Variants in MAP2K4 observed in about 807,000 individuals in gnomAD.
The protein encoded by MAP2K4 is dual specificity mitogen-activated protein kinase kinase 4.
A neutral mutation model predicts 48.5 loss-of-function variants in MAP2K4; 4 were observed. The observed-to-expected ratio is 0.08, with a 90% confidence interval of 0.04 to 0.19. MAP2K4 has a LOEUF of 0.19. MAP2K4 is among the 10% of genes least tolerant of loss of function. The pLI is 1.00. For synonymous variants in MAP2K4, 166 were observed against 173.1 expected, an observed-to-expected ratio of 0.96 and a Z score of 0.32; for missense variants, 258 against 493.3, an observed-to-expected ratio of 0.52 and a Z score of 4.52.
intron 1 of MAP2K4, among the ~76,000 whole-genome samples, chr17:12,024,844 G>T (rs925793288): frequency 7.9e-5 from 12 of 152,134 alleles, no homozygotes; most frequent in African/African-American, 2.9e-4. Flanking sequence ...CATGGCTAGG[G>T]CTTTCCCTTG....
chr17:12,128,025 G>T (rs1386882693), intron 8 of MAP2K4, among the ~76,000 whole-genome samples: 2 of 152,182 alleles, frequency 1.3e-5, no homozygotes, highest in East Asian at 3.9e-4. Flanking sequence ...GATTCATTAT[G>T]CCATGGTGCA....
chr17:12,073,450 A>G (rs1423738114), intron 2 of MAP2K4, among the ~76,000 whole-genome samples: 6 of 152,164 alleles, frequency 3.9e-5, no homozygotes, highest in African/African-American at 9.7e-5. Context: ...AATTGGAGAG[A>G]GGAGAATTTA....
intron 1 of MAP2K4, among the ~76,000 whole-genome samples, chr17:12,047,753 T>C (rs1019358208): frequency 1.3e-5 from 2 of 152,250 alleles, no homozygotes; most frequent in African/African-American, 4.8e-5. Flanking sequence ...TATGTACTTA[T>C]AACTAATATC....
intron 2 of MAP2K4, among the ~76,000 whole-genome samples, chr17:12,078,225 T>C (rs1486922875): frequency 1.3e-5 from 2 of 152,188 alleles, no homozygotes; most frequent in Admixed American, 1.3e-4. Flanking sequence ...TGATAGTTAC[T>C]GCCACAGCGG....
intron 2 of MAP2K4, among the ~76,000 whole-genome samples, chr17:12,060,606 A>G (rs9303045): frequency 0.45 from 68,804 of 151,962 alleles, 16,679 homozygotes; most frequent in East Asian, 0.58. Context: ...AGCAATCATG[A>G]TACTGTGAAA....
chr17:12,132,246 C>A (rs937977594), intron 9 of MAP2K4, among the ~76,000 whole-genome samples: 1 of 152,004 alleles, frequency 6.6e-6, no homozygotes, highest in Admixed American at 6.5e-5. Context: ...GACTATATAC[C>A]CAACAAAAGT....
chr17:12,067,610 G>A (rs1970659321), intron 2 of MAP2K4, among the ~76,000 whole-genome samples: 2 of 152,180 alleles, frequency 1.3e-5, no homozygotes. Flanking sequence ...ATTCCTTGGG[G>A]TTTGAATGGA....
At chr17:12,029,774 CA>C (rs1969374496) in intron 1 of MAP2K4, among the ~76,000 whole-genome samples, 1 of 151,816 alleles carries the variant, frequency 6.6e-6, no homozygotes, top group Non-Finnish European at 1.5e-5. Flanking sequence ...AAACAAAAAA[CA>C]AAAAACTCCA....
At chr17:12,130,970 G>A (rs575779833) in intron 9 of MAP2K4, among the ~76,000 whole-genome samples, 1 of 151,984 alleles carries the variant, frequency 6.6e-6, no homozygotes, top group East Asian at 1.9e-4. Context: ...GGGTGATATT[G>A]ACCCTAAGGA....
intron 1 of MAP2K4, among the ~76,000 whole-genome samples, chr17:12,051,500 A>G (rs373860908): frequency 6.6e-5 from 10 of 152,206 alleles, no homozygotes; most frequent in South Asian, 6.2e-4. Flanking sequence ...CTCTCCTGCT[A>G]TAGTTAAAGG....
At chr17:12,024,868 G>A (rs1331959746) in intron 1 of MAP2K4, among the ~76,000 whole-genome samples, 1 of 152,116 alleles carries the variant, frequency 6.6e-6, no homozygotes, top group East Asian at 1.9e-4. Flanking sequence ...CAAATCTAAA[G>A]CCTCGTGACT....
At chr17:12,044,099 A>G (rs1337696597) in intron 1 of MAP2K4, among the ~76,000 whole-genome samples, 1 of 152,108 alleles carries the variant, frequency 6.6e-6, no homozygotes, top group Admixed American at 6.5e-5. Flanking sequence ...CACTCAGGAG[A>G]TTCTAAGGGT....
intron 1 of MAP2K4, among the ~76,000 whole-genome samples, chr17:12,037,745 G>A (rs1969644729): frequency 6.6e-6 from 1 of 151,968 alleles, no homozygotes; most frequent in African/African-American, 2.4e-5. Context: ...ATTGTCAATG[G>A]GAAGTCCATC....
At chr17:12,123,412 A>T (rs1457457628) in intron 7 of MAP2K4, among the ~76,000 whole-genome samples, 1 of 151,962 alleles carries the variant, frequency 6.6e-6, no homozygotes, top group Admixed American at 6.6e-5. Flanking sequence ...GATTTTAGTA[A>T]TTTGTATCTT....
intron 2 of MAP2K4, among the ~76,000 whole-genome samples, chr17:12,080,524 G>C (rs1197946217): frequency 2.0e-5 from 3 of 152,162 alleles, no homozygotes; most frequent in African/African-American, 7.2e-5. Context: ...TTTTGGAGAT[G>C]ATTTTTTATT....
intron 1 of MAP2K4, among the ~76,000 whole-genome samples, chr17:12,050,408 G>A (rs1970102877): frequency 6.6e-6 from 1 of 152,188 alleles, no homozygotes; most frequent in African/African-American, 2.4e-5. Context: ...CAGACTTGAG[G>A]ATGAGAGGAT....
In MAP2K4 at chr17:12,113,366, T is replaced by C. The variant is rs759618275; in HGVS notation, c.813+6T>C. 2 of 1,613,308 alleles carry C rather than the reference T, an allele frequency of 1.2e-6. No homozygotes were observed. The highest frequency in any genetic ancestry group is 4.5e-5 in the East Asian group (2 of 44,846). On this transcript the variant is annotated splice_donor_region_variant and intron_variant, in intron 7 of 10. Coordinates refer to ENST00000353533, the MANE Select transcript of MAP2K4 (RefSeq NM_003010.4). ...GCTGTAGGCCATACATGGCAGTAAGTGTTAAGTCCAGGCCTTCTTGCTTGA... is the reference window on the plus strand; with the variant it reads ...GCTGTAGGCCATACATGGCAGTAAGCGTTAAGTCCAGGCCTTCTTGCTTGA...
chr17:12,061,484 G>C (rs1262049231), intron 2 of MAP2K4, among the ~76,000 whole-genome samples: 1 of 152,120 alleles, frequency 6.6e-6, no homozygotes, highest in East Asian at 1.9e-4. Context: ...TTCTTTGTGG[G>C]CCCCTACCCC....
chr17:12,092,671 T>C (rs568080723), intron 3 of MAP2K4, among the ~76,000 whole-genome samples: 1 of 152,320 alleles, frequency 6.6e-6, no homozygotes, highest in South Asian at 2.1e-4. Flanking sequence ...CCTTTTGAAA[T>C]AGTTTATTAA....
Sources: gnomAD v4.1 joint callset for allele counts (sites outside exome capture counted in the v4.1 genomes callset) on GRCh38, gnomAD v4.1.1 for gene constraint, MANE v1.5 for transcripts, NCBI Gene and HGNC (gene_info 2026-07-23, HGNC 2026-07-21) for gene names.